Variants in QTMAN observed in about 807,000 individuals in gnomAD.
The protein encoded by QTMAN is tRNA-queuosine alpha-mannosyltransferase.
At chr2:144,133,214 C>CATATATAAATATATATTTATATTT in the QTMAN span, among the ~76,000 whole-genome samples, 3 of 54,358 alleles carry the variant, frequency 5.5e-5, no homozygotes, top group African/African-American at 1.1e-4. Flanking sequence ...TTTATATATA[C>CATATATAAATATATATTTATATTT]ATATATAAAT....
the QTMAN span, chr2:143,945,718 G>A: frequency 6.6e-6 from 1 of 152,200 alleles, no homozygotes; most frequent in African/African-American, 2.4e-5. Flanking sequence ...GCCTCACTTT[G>A]TGGTGTATAG....
the QTMAN span, chr2:144,142,108 AT>A: frequency 8.3e-6 from 11 of 1,329,852 alleles, no homozygotes; most frequent in Middle Eastern, 2.2e-4. Flanking sequence ...ATTCAGAGTA[AT>A]TTTTATCAAC....
the QTMAN span, among the ~76,000 whole-genome samples, chr2:144,133,547 G>GATATAAAT: frequency 1.0e-5 from 1 of 95,640 alleles, no homozygotes; most frequent in African/African-American, 4.0e-5. Flanking sequence ...AAGATATAAA[G>GATATAAAT]ATATAAATAT....
At chr2:144,303,027 G>A in the QTMAN span, among the ~76,000 whole-genome samples, 40 of 152,262 alleles carry the variant, frequency 2.6e-4, no homozygotes, top group African/African-American at 7.2e-4. Context: ...GCTTGAACCC[G>A]GAAGGCGGAG....
chr2:143,948,235 G>A, the QTMAN span, among the ~76,000 whole-genome samples: 1 of 152,170 alleles, frequency 6.6e-6, no homozygotes. Context: ...TGGGCAATGA[G>A]TGTGAATTGT....
At chr2:144,067,553 A>G in the QTMAN span, among the ~76,000 whole-genome samples, 1 of 152,246 alleles carries the variant, frequency 6.6e-6, no homozygotes, top group Non-Finnish European at 1.5e-5. Flanking sequence ...GGAGGTGACT[A>G]GTAGAAAAAG....
At chr2:144,142,734 G>A in the QTMAN span, among the ~76,000 whole-genome samples, 14 of 151,800 alleles carry the variant, frequency 9.2e-5, no homozygotes, top group African/African-American at 2.2e-4. Flanking sequence ...AAATGCATCC[G>A]GAAATCCAGA....
the QTMAN span, among the ~76,000 whole-genome samples, chr2:144,076,201 T>C: frequency 6.6e-6 from 1 of 151,934 alleles, no homozygotes; most frequent in Admixed American, 6.6e-5. Flanking sequence ...GAGCCAAGAT[T>C]GCGCCACTGC....
chr2:144,024,613 C>G, the QTMAN span, among the ~76,000 whole-genome samples: 2 of 152,126 alleles, frequency 1.3e-5, no homozygotes, highest in Non-Finnish European at 1.5e-5. Flanking sequence ...ATCTACAATG[C>G]AAATGGTATA....
At chr2:144,317,372 AGGAAGGAAGGAT>A in the QTMAN span, 9 of 126,540 alleles carry the variant, frequency 7.1e-5, no homozygotes, top group African/African-American at 2.4e-4. Context: ...AGGGGAAGGA[AGGAAGGAAGGAT>A]GGAAGGAAGG....
At chr2:144,144,023 C>T in the QTMAN span, among the ~76,000 whole-genome samples, 5 of 151,844 alleles carry the variant, frequency 3.3e-5, no homozygotes, top group Non-Finnish European at 7.4e-5. Context: ...CCATTTTTTC[C>T]CCATTAAGAA....
At chr2:143,957,561 CT>C in the QTMAN span, among the ~76,000 whole-genome samples, 4 of 152,066 alleles carry the variant, frequency 2.6e-5, no homozygotes, top group Non-Finnish European at 5.9e-5. Flanking sequence ...CACCCTCCCC[CT>C]AAATGAAAAG....
the QTMAN span, among the ~76,000 whole-genome samples, chr2:144,221,815 C>T: frequency 6.6e-6 from 1 of 152,272 alleles, no homozygotes; most frequent in Middle Eastern, 3.4e-3. Context: ...ACTAATAGTG[C>T]TATAGCGATT....
At chr2:144,063,940 T>C in the QTMAN span, among the ~76,000 whole-genome samples, 1 of 152,188 alleles carries the variant, frequency 6.6e-6, no homozygotes, top group Non-Finnish European at 1.5e-5. Context: ...AAAAATACTA[T>C]AATTAAAACG....
At chr2:144,075,498 T>C in the QTMAN span, among the ~76,000 whole-genome samples, 1 of 152,190 alleles carries the variant, frequency 6.6e-6, no homozygotes, top group South Asian at 2.1e-4. Context: ...ATTTAATGGA[T>C]TCCTTTTTTA....
At chr2:144,199,740 TGA>T in the QTMAN span, among the ~76,000 whole-genome samples, 1 of 152,304 alleles carries the variant, frequency 6.6e-6, no homozygotes, top group East Asian at 1.9e-4. Flanking sequence ...CAAAGTTGAA[TGA>T]GAGACATGAC....
the QTMAN span, among the ~76,000 whole-genome samples, chr2:144,136,511 A>G: frequency 1.3e-5 from 2 of 151,994 alleles, 1 homozygote; most frequent in Middle Eastern, 6.3e-3. Context: ...CGGGAAAGGA[A>G]GATGTAATTC....
the QTMAN span, among the ~76,000 whole-genome samples, chr2:144,259,349 G>C: frequency 1.3e-5 from 2 of 152,006 alleles, no homozygotes; most frequent in African/African-American, 2.4e-5. Context: ...GGTAGAGACG[G>C]GGTTTCATCA....
chr2:144,110,369 C>T, the QTMAN span, among the ~76,000 whole-genome samples: 3 of 151,854 alleles, frequency 2.0e-5, no homozygotes, highest in African/African-American at 7.3e-5. Context: ...GGAAGGGGAA[C>T]ATCACACAAT....
Sources: gnomAD v4.1 joint callset for allele counts (sites outside exome capture counted in the v4.1 genomes callset) on GRCh38, gnomAD v4.1.1 for gene constraint, MANE v1.5 for transcripts, NCBI Gene and HGNC (gene_info 2026-07-23, HGNC 2026-07-21) for gene names.